Variants in MOSPD2 observed in about 807,000 individuals in gnomAD.
MOSPD2 encodes the protein motile sperm domain containing 2, also known as motile sperm domain-containing protein 2.
MOSPD2 carries 5 observed loss-of-function variants against 41.7 expected under a neutral mutation model. That is an observed-to-expected ratio of 0.12 (90% CI 0.06 to 0.25). The LOEUF (loss-of-function observed/expected upper bound fraction) is 0.25, where lower values mean the gene tolerates loss of function less well. Ranked by LOEUF, MOSPD2 falls within the 10% of genes least tolerant of loss-of-function variation. The probability of loss-of-function intolerance (pLI) is 1.00; values close to 1 mark genes in which losing one functional copy is unlikely to be tolerated. For synonymous variants in MOSPD2, 115 were observed against 126.9 expected (o/e 0.91, Z 0.63); for missense variants, 282 against 375.2 (o/e 0.75, Z 2.05).
intron 14 of MOSPD2, among the ~76,000 whole-genome samples, chrX:14,919,162 T>C (rs1351954028): frequency 2.7e-5 from 3 of 111,404 alleles, no homozygotes; most frequent in African/African-American, 9.8e-5. Context: ...ACCATGATCA[T>C]GCCACTGCAC....
chrX:14,873,581 G>T, intron 1 of MOSPD2, 44 bp downstream of exon 1: 4 of 1,211,728 alleles, frequency 3.3e-6, no homozygotes, highest in Non-Finnish European at 4.5e-6. Context: ...GGACCCGGAA[G>T]CCGCCTCTGA....
intron 5 of MOSPD2, 55 bp from the exon 6 acceptor site, chrX:14,900,520 T>A: frequency 1.7e-6 from 1 of 581,733 alleles, no homozygotes; most frequent in African/African-American, 2.3e-5. Context: ...TTTAGAAATG[T>A]GCAATTTTAA....
In MOSPD2 at chrX:14,877,637, G is replaced by A. The variant is rs896424795; in HGVS notation, c.79+3879G>A. Among the ~76,000 whole-genome samples the A allele has an allele frequency of 6.8e-5, 7 of 102,598 alleles. No homozygotes were observed. The East Asian group carries it at 2.0e-3, about 30-fold the overall frequency. 89.1% of individuals were successfully genotyped at this position (102,598 alleles called of 115,157 possible). ...ATTACAGGCGTGAGCCACCACGCCC[G>A]GCCTACAGTCTTTTTTCTATACACT... On this transcript the variant is annotated intron_variant, in intron 2 of 14. Transcript: ENST00000380492.
At chrX:14,875,533 C>T (rs112999447) in intron 2 of MOSPD2, among the ~76,000 whole-genome samples, 3,378 of 111,997 alleles carry the variant, frequency 0.03, 99 homozygotes, top group African/African-American at 0.09. Context: ...AAGAATACTT[C>T]TGAAAACATG....
At chrX:14,899,565 TACACAC>T (rs59555716) in intron 5 of MOSPD2, among the ~76,000 whole-genome samples, 2,074 of 81,031 alleles carry the variant, frequency 0.026, 51 homozygotes, top group African/African-American at 0.076. Context: ...ATTATATACA[TACACAC>T]ACACACACAC....
At chrX:14,892,045 C>T (rs2092554914) in intron 2 of MOSPD2, among the ~76,000 whole-genome samples, 1 of 112,110 alleles carries the variant, frequency 8.9e-6, no homozygotes, top group Admixed American at 9.5e-5. Flanking sequence ...ATACCAAATA[C>T]TTTACTCTGG....
chrX:14,906,414 CACCTT>C (rs1226015038), intron 7 of MOSPD2, among the ~76,000 whole-genome samples: 1 of 111,340 alleles, frequency 9.0e-6, no homozygotes, highest in Non-Finnish European at 1.9e-5. Context: ...AGTTGGACCC[CACCTT>C]ACATCATATA....
At chrX:14,875,960 C>CT (rs200606554) in intron 2 of MOSPD2, among the ~76,000 whole-genome samples, 1,204 of 111,683 alleles carry the variant, frequency 0.011, 13 homozygotes, top group African/African-American at 0.036. Context: ...GAGTAGAGGC[C>CT]TTGTGTGTCT....
intron 13 of MOSPD2, among the ~76,000 whole-genome samples, chrX:14,917,999 C>T (rs971859422): frequency 8.9e-6 from 1 of 111,904 alleles, no homozygotes; most frequent in Non-Finnish European, 1.9e-5. Flanking sequence ...AGTCAGCAGC[C>T]TGCCTTGTTT....
intron 13 of MOSPD2, among the ~76,000 whole-genome samples, chrX:14,916,734 G>T (rs1191842262): frequency 8.9e-6 from 1 of 112,240 alleles, no homozygotes; most frequent in African/African-American, 3.2e-5. Context: ...CACTCATAAA[G>T]GTACAGCAAG....
Position 14,920,317 on chromosome X carries a change from C to T in MOSPD2, c.*508C>T. ...TATAGAGGAATTTATGTAACCATGA[C>T]TTTGTAATTTTGAGAATTCCTCCCA... On this transcript the variant is annotated 3_prime_UTR_variant, in exon 15 of 15. Transcript: ENST00000380492. 1 of 753,090 alleles carries T rather than the reference C, an allele frequency of 1.3e-6. No individual in the cohort carries two copies. The highest frequency in any genetic ancestry group is 1.6e-6 in the Non-Finnish European group (1 of 638,065). The allele number at this position is 753,090 out of a possible 1,213,427, so 62.1% of individuals were successfully genotyped here.
intron 2 of MOSPD2, among the ~76,000 whole-genome samples, chrX:14,879,159 G>T (rs753330496): frequency 2.3e-4 from 26 of 111,433 alleles, no homozygotes; most frequent in Middle Eastern, 4.6e-3. Context: ...CCTTTTTATG[G>T]CTGTGTAGTA....
chrX:14,909,666 C>T (rs768106870), intron 8 of MOSPD2, among the ~76,000 whole-genome samples: 3 of 111,438 alleles, frequency 2.7e-5, no homozygotes, highest in Non-Finnish European at 5.7e-5. Context: ...ACTTGGTACG[C>T]TTTGGGTTAA....
intron 2 of MOSPD2, among the ~76,000 whole-genome samples, chrX:14,878,854 C>T (rs771997445): frequency 9.0e-6 from 1 of 111,510 alleles, no homozygotes; most frequent in African/African-American, 3.3e-5. Flanking sequence ...ATGTATAAAA[C>T]GTGAATAAAA....
At chrX:14,888,478 T>C (rs746336790) in intron 2 of MOSPD2, among the ~76,000 whole-genome samples, 37 of 110,991 alleles carry the variant, frequency 3.3e-4, no homozygotes, top group African/African-American at 1.1e-3. Context: ...CTCTCTTTGC[T>C]TGCCACCATC....
At chrX:14,899,783 G>T (rs193283953) in intron 5 of MOSPD2, among the ~76,000 whole-genome samples, 12 of 110,307 alleles carry the variant, frequency 1.1e-4, no homozygotes, top group African/African-American at 3.9e-4. Flanking sequence ...TTGCTTGGTT[G>T]TATCTTTCAT....
intron 3 of MOSPD2, among the ~76,000 whole-genome samples, chrX:14,894,315 GAT>G (rs2092559120): frequency 1.7e-5 from 1 of 60,049 alleles, no homozygotes; most frequent in African/African-American, 7.1e-5. Context: ...TTTATTGATT[GAT>G]TTTTTTTTTT....
intron 13 of MOSPD2, among the ~76,000 whole-genome samples, chrX:14,918,457 G>A (rs776483673): frequency 1.1e-4 from 12 of 111,700 alleles, no homozygotes; most frequent in East Asian, 2.8e-4. Flanking sequence ...GAATTTTACC[G>A]AATGGTATCT....
At chrX:14,916,652 G>T (rs2092600723) in intron 13 of MOSPD2, among the ~76,000 whole-genome samples, 1 of 109,704 alleles carries the variant, frequency 9.1e-6, no homozygotes, top group African/African-American at 3.5e-5. Context: ...TGGAAAGAAA[G>T]AATCTAAATC....
Sources: allele counts gnomAD v4.1 joint callset (sites outside exome capture counted in the v4.1 genomes callset), GRCh38; gene constraint gnomAD v4.1.1; transcripts MANE v1.5; gene names NCBI Gene and HGNC (gene_info 2026-07-23, HGNC 2026-07-21).